The following ADARB2 variants were observed in gnomAD, a reference collection of about 807,000 sequenced individuals.
ADARB2 encodes adenosine deaminase RNA specific B2 (inactive), also known as inactive double-stranded RNA-specific editase B2.
In ADARB2, 25 loss-of-function variants were observed where a neutral mutation model predicts 62.2. The ratio of observed to expected loss-of-function variants is 0.40; its 90% CI spans 0.29 to 0.56. The LOEUF is 0.56. Ranked by LOEUF, ADARB2 falls within the 20% of genes least tolerant of loss-of-function variation. The pLI is 0.43. For missense variants in ADARB2, 1,071 were observed against 1,077.4 expected, an observed-to-expected ratio of 0.99 and a Z score of 0.08; for synonymous variants, 572 against 500.8, an observed-to-expected ratio of 1.14 and a Z score of -1.90.
intron 1 of ADARB2, among the ~76,000 whole-genome samples, chr10:1,425,661 C>A (rs1281349515): frequency 7.2e-5 from 11 of 152,254 alleles, no homozygotes; most frequent in Admixed American, 6.5e-4. Context: ...TACAGCCTCT[C>A]AAGTTGCCAA....
At chr10:1,736,837 A>G (rs556582418) in intron 1 of ADARB2, among the ~76,000 whole-genome samples, 8 of 152,328 alleles carry the variant, frequency 5.3e-5, no homozygotes, top group African/African-American at 1.9e-4. Flanking sequence ...AACATGTCGC[A>G]GCGTGGCTGC....
intron 1 of ADARB2, among the ~76,000 whole-genome samples, chr10:1,551,251 G>A (rs533616072): frequency 4.6e-5 from 7 of 152,270 alleles, no homozygotes; most frequent in South Asian, 4.2e-4. Flanking sequence ...CCTTGATCTC[G>A]GGTTTCCAGC....
intron 1 of ADARB2, among the ~76,000 whole-genome samples, chr10:1,727,110 G>A (rs1363936677): frequency 6.6e-6 from 1 of 152,140 alleles, no homozygotes; most frequent in Non-Finnish European, 1.5e-5. Context: ...AACCCGACAG[G>A]GCGCTTTGTA....
chr10:1,288,576 T>A (rs2805567), intron 3 of ADARB2, among the ~76,000 whole-genome samples: 76,454 of 151,940 alleles, frequency 0.5, 19,650 homozygotes, highest in South Asian at 0.74. Flanking sequence ...CCACAATGCG[T>A]GCTGCCTCTG....
chr10:1,687,421 G>A (rs1342997417), intron 1 of ADARB2, among the ~76,000 whole-genome samples: 3 of 151,528 alleles, frequency 2.0e-5, no homozygotes, highest in African/African-American at 7.3e-5. Context: ...CGTAAATATG[G>A]CCACTATTTG....
intron 1 of ADARB2, among the ~76,000 whole-genome samples, chr10:1,478,188 T>C (rs1831425366): frequency 6.6e-6 from 1 of 152,208 alleles, no homozygotes. Flanking sequence ...TCTTAGGAAG[T>C]ACATAGCATT....
chr10:1,704,651 G>A lies in ADARB2; in HGVS notation c.100+32400C>T, dbSNP rs1314262133. On this transcript the variant is annotated intron_variant, in intron 1 of 9. Coordinates refer to ENST00000381312, the MANE Select transcript of ADARB2 (RefSeq NM_018702.4). This position sits in a 1 kb window ranked among gnomAD's most constrained non-coding sequence, Gnocchi z 5.6. ...GGGGGCTGGAGACGTCTGAGTTAAA[G>A]CATCTAACTCTGGGGTTTTGTGAGG... 6.6e-6 allele frequency among the ~76,000 whole-genome samples: 1 copy of A among 152,212 alleles called. No homozygotes were observed. Among genetic ancestry groups the A allele is most frequent in the African/African-American group, 2.4e-5 (1 of 41,454 alleles).
intron 1 of ADARB2, among the ~76,000 whole-genome samples, chr10:1,465,522 G>A (rs993359413): frequency 3.3e-5 from 5 of 152,214 alleles, no homozygotes; most frequent in East Asian, 3.9e-4. Flanking sequence ...CCGCAGTGCC[G>A]ACACAGTGAG....
intron 1 of ADARB2, among the ~76,000 whole-genome samples, chr10:1,521,773 C>G (rs1441057787): frequency 1.3e-5 from 2 of 151,464 alleles, no homozygotes; most frequent in South Asian, 2.1e-4. Flanking sequence ...GGGCACCCCC[C>G]CATCCACCCC....
chr10:1,593,311 C>T (rs1833286962), intron 1 of ADARB2, among the ~76,000 whole-genome samples: 2 of 147,880 alleles, frequency 1.4e-5, no homozygotes, highest in Admixed American at 6.7e-5. Flanking sequence ...GCATGGTCCC[C>T]TCTGTCACCC....
At chr10:1,593,291 C>T (rs1236377453) in intron 1 of ADARB2, among the ~76,000 whole-genome samples, 4 of 147,108 alleles carry the variant, frequency 2.7e-5, no homozygotes, top group East Asian at 2.2e-4. Flanking sequence ...CTCCATAGGT[C>T]TCCTCTCTGG....
chr10:1,573,264 C>G (rs1003068355), intron 1 of ADARB2, among the ~76,000 whole-genome samples: 2 of 152,164 alleles, frequency 1.3e-5, no homozygotes, highest in Non-Finnish European at 2.9e-5. Context: ...GAAAGGACAG[C>G]TTGGATGAGC....
At chr10:1,507,406 G>A (rs897611750) in intron 1 of ADARB2, among the ~76,000 whole-genome samples, 2 of 152,206 alleles carry the variant, frequency 1.3e-5, no homozygotes, top group Admixed American at 6.5e-5. Flanking sequence ...CCTTCACCAG[G>A]CTGCATCCGG....
chr10:1,263,038 A>G (rs1000122659), intron 4 of ADARB2, among the ~76,000 whole-genome samples: 1 of 149,784 alleles, frequency 6.7e-6, no homozygotes, highest in Admixed American at 6.7e-5. Context: ...AGGACAAAAA[A>G]CCAAACACTG....
intron 1 of ADARB2, among the ~76,000 whole-genome samples, chr10:1,672,735 G>GAAAGT (rs1834407229): frequency 6.8e-6 from 1 of 146,870 alleles, no homozygotes; most frequent in Non-Finnish European, 1.5e-5. Flanking sequence ...GCACCGCAAG[G>GAAAGT]CTCCTGCCTC....
intron 1 of ADARB2, among the ~76,000 whole-genome samples, chr10:1,548,478 G>T (rs562470406): frequency 6.6e-6 from 1 of 152,198 alleles, no homozygotes; most frequent in African/African-American, 2.4e-5. Flanking sequence ...ACACTGTGTA[G>T]GTCCAGAGAC....
intron 3 of ADARB2, among the ~76,000 whole-genome samples, chr10:1,345,116 G>A (rs35359540): frequency 0.22 from 34,081 of 151,628 alleles, 4,680 homozygotes; most frequent in Middle Eastern, 0.37. Context: ...AGGAGGGCAC[G>A]TGGAGGAAAC....
intron 1 of ADARB2, among the ~76,000 whole-genome samples, chr10:1,412,735 G>A (rs1316317366): frequency 6.6e-6 from 1 of 152,184 alleles, no homozygotes; most frequent in Admixed American, 6.5e-5. Flanking sequence ...AGGTGGGTGT[G>A]GGGGCACGGC....
intron 1 of ADARB2, among the ~76,000 whole-genome samples, chr10:1,586,930 T>C (rs1415229632): frequency 6.6e-6 from 1 of 152,218 alleles, no homozygotes; most frequent in Non-Finnish European, 1.5e-5. Context: ...TAAGTTAGGG[T>C]TGTTTTTAAT....
Sources: gnomAD v4.1 joint callset for allele counts (sites outside exome capture counted in the v4.1 genomes callset) on GRCh38, gnomAD v4.1.1 for gene constraint, Gnocchi (gnomAD v3.1) non-coding constraint, MANE v1.5 for transcripts, NCBI Gene and HGNC (gene_info 2026-07-23, HGNC 2026-07-21) for gene names.